The following ACSBG2 variants were observed in gnomAD, a reference collection of about 807,000 sequenced individuals.
The protein encoded by ACSBG2 is long-chain-fatty-acid--CoA ligase ACSBG2.
A neutral mutation model predicts 74.7 loss-of-function variants in ACSBG2; 62 were observed. The ratio of observed to expected loss-of-function variants is 0.83; its 90% CI spans 0.68 to 1.03. The LOEUF (loss-of-function observed/expected upper bound fraction) is 1.03. ACSBG2 is among the 50% of genes least tolerant of loss of function. The pLI, the probability that ACSBG2 is intolerant of heterozygous loss-of-function variation, is 0.00. For synonymous variants in ACSBG2, 309 were observed against 294.1 expected, an observed-to-expected ratio of 1.05 and a Z score of -0.52; for missense variants, 730 against 817.6, an observed-to-expected ratio of 0.89 and a Z score of 1.31.
At chr19:6,170,148 C>G (rs1483441983) in intron 7 of ACSBG2, among the ~76,000 whole-genome samples, 2 of 152,082 alleles carry the variant, frequency 1.3e-5, no homozygotes, top group Non-Finnish European at 1.5e-5. Context: ...AGTGGATATC[C>G]TTGTCTTGTT....
At chr19:6,164,649 T>C (rs2089739593) in intron 6 of ACSBG2, among the ~76,000 whole-genome samples, 1 of 152,156 alleles carries the variant, frequency 6.6e-6, no homozygotes, top group African/African-American at 2.4e-5. Flanking sequence ...GCCATGTTGG[T>C]CTTGAACTCC....
At chr19:6,184,561 A>T (rs2090344638) in intron 10 of ACSBG2, among the ~76,000 whole-genome samples, 1 of 151,728 alleles carries the variant, frequency 6.6e-6, no homozygotes, top group Admixed American at 6.6e-5. Flanking sequence ...ACACACGGAG[A>T]AAATATTTCC....
rs75120693 is a variant in ACSBG2 at position 6,175,701 on chromosome 19, A to G, written c.739-1528A>G. On this transcript the variant is annotated intron_variant, in intron 7 of 14. Coordinates refer to ENST00000588485, the MANE Select transcript of ACSBG2 (RefSeq NM_030924.5). ...TTAATGAAGTAACTATTCACCAGAG[A>G]TTTATGACACTAGTGAGAAATATAA... 3.2e-3 allele frequency among the ~76,000 whole-genome samples: 480 copies of G among 152,302 alleles called. 4 individuals are homozygous for G. The highest frequency in any genetic ancestry group is 0.011 in the African/African-American group (465 of 41,554).
Position 6,187,774 on chromosome 19 carries a change from T to C in ACSBG2, c.1856T>C (p.Met619Thr), listed in dbSNP as rs2090452562. 2 of 1,613,986 alleles carry C rather than the reference T, an allele frequency of 1.2e-6. No individual in the cohort carries two copies. Among genetic ancestry groups the C allele is most frequent in the African/African-American group, 2.7e-5 (2 of 74,876 alleles). Residue 619 changes from methionine to threonine, a missense_variant, in exon 13 of 15, where the codon ATG (methionine) becomes ACG (threonine). Coordinates refer to ENST00000588485, the MANE Select transcript of ACSBG2 (RefSeq NM_030924.5). ...ATCAATGCTGTGAACCAGGAAGCCA[T>C]GAACAATGCACAGAGGATTGAAAAG... ...QGINAVNQEA[M>T]NNAQRIEKWV...
intron 8 of ACSBG2, among the ~76,000 whole-genome samples, chr19:6,178,519 C>A (rs1269765375): frequency 6.6e-6 from 1 of 152,056 alleles, no homozygotes; most frequent in Admixed American, 6.6e-5. Context: ...GTAGCTGGAA[C>A]TGCAGGCCTG....
chr19:6,146,070 A>T (rs568593638), intron 2 of ACSBG2, among the ~76,000 whole-genome samples: 2 of 152,344 alleles, frequency 1.3e-5, no homozygotes, highest in African/African-American at 4.8e-5. Context: ...CTTTAAAAAA[A>T]TCTCCGTAAA....
intron 2 of ACSBG2, among the ~76,000 whole-genome samples, chr19:6,145,627 A>T (rs2089003599): frequency 6.6e-6 from 1 of 152,080 alleles, no homozygotes; most frequent in Non-Finnish European, 1.5e-5. Flanking sequence ...GGTGGTAGTG[A>T]GAAACACACA....
chr19:6,145,047 A>C (rs11085160), intron 2 of ACSBG2, among the ~76,000 whole-genome samples: 106,868 of 151,862 alleles, frequency 0.7, 37,870 homozygotes, highest in Admixed American at 0.74. Flanking sequence ...TACTACTGGC[A>C]CCAAGCCAAG....
intron 8 of ACSBG2, among the ~76,000 whole-genome samples, chr19:6,181,818 C>CT (rs1555696889): frequency 8.4e-6 from 1 of 119,438 alleles, no homozygotes; most frequent in East Asian, 3.0e-4. Context: ...CACCCGCCCC[C>CT]CCCCCCAACG....
Position 6,185,518 on chromosome 19 carries a change from A to AG in ACSBG2, c.1407dup (p.His470AlafsTer10). The AG allele has an allele frequency of 6.2e-7, 1 of 1,614,232 alleles. No homozygotes were observed. The highest frequency in any genetic ancestry group is 8.5e-7 in the Non-Finnish European group (1 of 1,180,040). ...CATTGGGGAGATCTGCCTCTGGGGT[A>AG]GGCACATCTTCATGGGCTATCTGGA... On this transcript the variant is annotated frameshift_variant, in exon 11 of 15. Transcript: ENST00000588485. LOFTEE classifies it high-confidence loss of function.
intron 10 of ACSBG2, among the ~76,000 whole-genome samples, chr19:6,184,591 G>T (rs1181291581): frequency 6.7e-6 from 1 of 148,218 alleles, no homozygotes; most frequent in African/African-American, 2.5e-5. Flanking sequence ...TCCTAGAACT[G>T]CACTGGCCAG....
At chr19:6,146,369 T>C (rs983230867) in intron 2 of ACSBG2, among the ~76,000 whole-genome samples, 18 of 150,556 alleles carry the variant, frequency 1.2e-4, no homozygotes, top group Non-Finnish European at 8.9e-5. Flanking sequence ...ACTCGGCAGG[T>C]TGAGGCAGAA....
intron 8 of ACSBG2, among the ~76,000 whole-genome samples, chr19:6,179,124 T>C (rs2090171380): frequency 6.6e-6 from 1 of 152,206 alleles, no homozygotes; most frequent in Non-Finnish European, 1.5e-5. Context: ...CAGCATCTTC[T>C]ACAAGCTGCC....
At chr19:6,177,801 G>A (rs1449005175) in intron 8 of ACSBG2, among the ~76,000 whole-genome samples, 1 of 151,360 alleles carries the variant, frequency 6.6e-6, no homozygotes, top group Non-Finnish European at 1.5e-5. Context: ...CCAAGTCAGG[G>A]CATCCATGTA....
rs887011006 is a variant in ACSBG2, at chr19:6,190,600, TAA to T, written c.1945_1946del (p.Lys649GlufsTer13). 25 of 1,613,882 alleles carry T rather than the reference TAA, an allele frequency of 1.5e-5. No homozygotes were observed. Among genetic ancestry groups the T allele is most frequent in the Non-Finnish European group, 1.9e-5 (23 of 1,179,932 alleles). On this transcript the variant is annotated frameshift_variant, in exon 14 of 15. Coordinates refer to ENST00000588485, the MANE Select transcript of ACSBG2 (RefSeq NM_030924.5). LOFTEE classifies it high-confidence loss of function. ...GGELGPMMKL[K>X]RHFVAQKYKK... is the part of the protein sequence containing the mutation. Reference sequence around the variant, plus strand: ...TCTCGATAGGTCCAATGATGAAACTTAAGAGACATTTTGTAGCCCAGAAATAC... The same window carrying T: ...TCTCGATAGGTCCAATGATGAAACTTGAGACATTTTGTAGCCCAGAAATAC...
chr19:6,146,955 G>A (rs1207152280), intron 2 of ACSBG2, among the ~76,000 whole-genome samples: 1 of 152,018 alleles, frequency 6.6e-6, no homozygotes, highest in Non-Finnish European at 1.5e-5. Context: ...AAATAAATTA[G>A]CTAGGCATGG....
intron 5 of ACSBG2, among the ~76,000 whole-genome samples, chr19:6,157,420 G>C (rs940846246): frequency 5.3e-5 from 8 of 152,188 alleles, no homozygotes; most frequent in African/African-American, 1.9e-4. Flanking sequence ...AGCCGGGTGT[G>C]GTGGCATGCA....
At chr19:6,168,309 C>T (rs956703201) in intron 7 of ACSBG2, among the ~76,000 whole-genome samples, 2 of 152,182 alleles carry the variant, frequency 1.3e-5, no homozygotes, top group Non-Finnish European at 1.5e-5. Flanking sequence ...TCCCCTCCTT[C>T]GGGTGGGTCT....
Position 6,156,238 on chromosome 19 carries a change from T to C in ACSBG2, c.387-193T>C, listed in dbSNP as rs181176018. ...ATGACCTGTTGTCATAGTGACATCA[T>C]AGGAGCTGTCACTTATCATCATTGT... On this transcript the variant is annotated intron_variant, in intron 4 of 14. Coordinates refer to ENST00000588485, the MANE Select transcript of ACSBG2 (RefSeq NM_030924.5). 9.2e-5 allele frequency among the ~76,000 whole-genome samples: 14 copies of C among 152,312 alleles called. No homozygotes were observed. In the East Asian group the frequency reaches 2.7e-3, roughly 29 times the overall value.
Sources: gnomAD v4.1 joint callset for allele counts (sites outside exome capture counted in the v4.1 genomes callset) on GRCh38, gnomAD v4.1.1 for gene constraint, MANE v1.5 for transcripts, NCBI Gene and HGNC (gene_info 2026-07-23, HGNC 2026-07-21) for gene names.